Variants in KCTD16 observed in about 807,000 individuals in gnomAD.
The protein encoded by KCTD16 is potassium channel tetramerization domain containing 16.
KCTD16 carries 13 observed loss-of-function variants against 33.2 expected under a neutral mutation model. The observed-to-expected ratio is 0.39, with a 90% CI of 0.25 to 0.62. The LOEUF is 0.62. Ranked by LOEUF, KCTD16 falls within the 20% of genes least tolerant of loss-of-function variation. KCTD16 has a pLI of 0.50. For synonymous variants in KCTD16, 197 were observed against 195.3 expected, an observed-to-expected ratio of 1.01 and a Z score of -0.07; for missense variants, 441 against 525.1, an observed-to-expected ratio of 0.84 and a Z score of 1.57.
chr5:144,442,968 G>A (rs1753746338), intron 3 of KCTD16, among the ~76,000 whole-genome samples: 1 of 152,060 alleles, frequency 6.6e-6, no homozygotes, highest in Non-Finnish European at 1.5e-5. Flanking sequence ...TGAAGCAATT[G>A]TGGCCTCAAT....
intron 3 of KCTD16, among the ~76,000 whole-genome samples, chr5:144,458,649 A>G (rs1754126307): frequency 6.6e-6 from 1 of 152,210 alleles, no homozygotes; most frequent in African/African-American, 2.4e-5. Context: ...GAAATCTATT[A>G]GAGACTCTCA....
At chr5:144,408,631 G>T (rs1752865212) in intron 3 of KCTD16, among the ~76,000 whole-genome samples, 1 of 152,196 alleles carries the variant, frequency 6.6e-6, no homozygotes, top group South Asian at 2.1e-4. Context: ...CTTGAAGGTA[G>T]AGGTATATCA....
At chr5:144,354,526 C>A (rs549778248) in intron 3 of KCTD16, among the ~76,000 whole-genome samples, 1 of 152,152 alleles carries the variant, frequency 6.6e-6, no homozygotes, top group Non-Finnish European at 1.5e-5. Context: ...ATCCTTAGAG[C>A]CTCTAAACTC....
In KCTD16 at chr5:144,403,696, C is replaced by T. The variant is rs557236405; in HGVS notation, c.833-69964C>T. On this transcript the variant is annotated intron_variant, in intron 3 of 3. Transcript: ENST00000512467. ...TTGGAAACTAATATAACATGTAAGACAATATATTCACAGATTCTGGGGATT... is the reference window on the plus strand; with the variant it reads ...TTGGAAACTAATATAACATGTAAGATAATATATTCACAGATTCTGGGGATT... Among the ~76,000 whole-genome samples, 5 of 152,244 alleles carry T rather than the reference C, an allele frequency of 3.3e-5. No homozygotes were observed. The East Asian group carries it at 9.6e-4, about 29-fold the overall frequency.
intron 2 of KCTD16, among the ~76,000 whole-genome samples, chr5:144,189,085 A>G (rs1175650955): frequency 6.6e-6 from 1 of 152,236 alleles, no homozygotes; most frequent in African/African-American, 2.4e-5. Context: ...ACCCTCTAAG[A>G]TATGCCAGGC....
Position 144,397,509 on chromosome 5 carries a change from A to G in KCTD16, c.833-76151A>G, listed in dbSNP as rs946464733. ...CTGAGGAATTGCCACACTGTCTTCCACAGTTGTTGAACTAACTAGTTTACA... is the reference window on the plus strand; with the variant it reads ...CTGAGGAATTGCCACACTGTCTTCCGCAGTTGTTGAACTAACTAGTTTACA... On this transcript the variant is annotated intron_variant, in intron 3 of 3. Transcript: ENST00000512467. Among the ~76,000 whole-genome samples, 9 of 152,330 alleles carry G rather than the reference A, an allele frequency of 5.9e-5. 1 individual carries two copies. The highest frequency in any genetic ancestry group is 1.2e-4 in the Non-Finnish European group (8 of 68,018).
At chr5:144,257,493 T>G (rs1754882508) in intron 3 of KCTD16, among the ~76,000 whole-genome samples, 1 of 152,032 alleles carries the variant, frequency 6.6e-6, no homozygotes, top group Admixed American at 6.6e-5. Context: ...TAGTCATAGT[T>G]TCTTTTTTTT....
chr5:144,350,065 T>C (rs1051022383), intron 3 of KCTD16, among the ~76,000 whole-genome samples: 2 of 152,184 alleles, frequency 1.3e-5, no homozygotes, highest in South Asian at 4.1e-4. Context: ...AAGACAGAAA[T>C]TGGACTCCCC....
At position 144,206,766 on chromosome 5, in the gene KCTD16, G is replaced by A. The variant is rs1417244673; in HGVS notation, c.52G>A (p.Ala18Thr). The A allele has an allele frequency of 5.6e-6, 9 of 1,614,104 alleles. No homozygotes were observed. The highest frequency in any genetic ancestry group is 1.1e-5 in the South Asian group (1 of 91,076). ...SRYYPREQGS[A>T]VPNSFPEVVE... ...TTATTATCCTCGAGAACAAGGGTCC[G>A]CAGTTCCCAACTCCTTCCCTGAGGT... Residue 18 changes from alanine to threonine, a missense_variant, in exon 3 of 4, where the codon GCA (alanine) becomes ACA (threonine). Around this residue, in one of 3 missense-constraint regions of KCTD16, gnomAD observed 80 missense variants for 88.5 expected, o/e 0.90. Transcript: ENST00000512467.
chr5:144,336,364 G>A (rs1752494346), intron 3 of KCTD16, among the ~76,000 whole-genome samples: 1 of 152,188 alleles, frequency 6.6e-6, no homozygotes, highest in African/African-American at 2.4e-5. Flanking sequence ...GCTAATCCAA[G>A]ACTGGAACGG....
At chr5:144,393,877 T>C (rs1752505064) in intron 3 of KCTD16, among the ~76,000 whole-genome samples, 3 of 152,194 alleles carry the variant, frequency 2.0e-5, no homozygotes, top group Non-Finnish European at 4.4e-5. Context: ...GCTCCACATT[T>C]GTTTAAAGCT....
At chr5:144,419,264 G>A (rs976710120) in intron 3 of KCTD16, among the ~76,000 whole-genome samples, 6 of 152,092 alleles carry the variant, frequency 3.9e-5, no homozygotes, top group African/African-American at 1.2e-4. Flanking sequence ...GTCCTGAAAG[G>A]TTTACAGTGG....
rs1422003230 is a variant in KCTD16, at chr5:144,207,274, G to A, written c.560G>A (p.Arg187Gln). The A allele has an allele frequency of 5.6e-6, 9 of 1,614,042 alleles. No homozygotes were observed. The highest frequency in any genetic ancestry group is 6.8e-6 in the Non-Finnish European group (8 of 1,180,042). The change falls in exon 3 of 4, where the codon CGG (arginine) becomes CAG (glutamine). Residue 187 changes from arginine to glutamine, a missense_variant. Physicochemically the swap from Arg to Gln is conservative, Grantham distance 43 (BLOSUM62 1). Transcript: ENST00000512467. ...GREGQADAKF[R>Q]RVPRILVCGR... ...GAGGGACAGGCAGATGCCAAGTTTCGGAGAGTTCCCCGGATTTTGGTTTGT... is the reference window on the plus strand; with the variant it reads ...GAGGGACAGGCAGATGCCAAGTTTCAGAGAGTTCCCCGGATTTTGGTTTGT...
At position 144,404,391 on chromosome 5, in the gene KCTD16, GA is replaced by G. The variant is rs541603122; in HGVS notation, c.833-69267del. On this transcript the variant is annotated intron_variant, in intron 3 of 3. Transcript: ENST00000512467. ...TGTATTCTGTTTTTCCCTATATACT[GA>G]ATGCTTGACTAGCCTTCGTATTCAA... is the stretch of plus-strand genomic sequence containing the variant. Among the ~76,000 whole-genome samples the G allele has an allele frequency of 8.7e-4, 133 of 152,008 alleles. No individual in the cohort carries two copies. In the East Asian group the frequency reaches 0.011, roughly 13 times the overall value.
chr5:144,392,718 A>G lies in KCTD16; in HGVS notation c.833-80942A>G, dbSNP rs1266578893. ...AACCTTTCAAAACTGACTTTGGTCA[A>G]TGAAACTGAGAGAAATAACTTGTAT... On this transcript the variant is annotated intron_variant, in intron 3 of 3. Coordinates refer to ENST00000512467, the MANE Select transcript of KCTD16 (RefSeq NM_020768.4). Among the ~76,000 whole-genome samples the G allele has an allele frequency of 3.3e-5, 5 of 152,318 alleles. No individual in the cohort carries two copies. The East Asian group carries it at 9.6e-4, about 29-fold the overall frequency.
At chr5:144,449,368 C>G (rs571655483) in intron 3 of KCTD16, among the ~76,000 whole-genome samples, 1 of 151,882 alleles carries the variant, frequency 6.6e-6, no homozygotes, top group South Asian at 2.1e-4. Context: ...ATCAAAATCT[C>G]AATGGATTTT....
intron 3 of KCTD16, among the ~76,000 whole-genome samples, chr5:144,254,207 C>T (rs1475008296): frequency 1.3e-5 from 2 of 151,870 alleles, no homozygotes; most frequent in East Asian, 1.9e-4. Context: ...GCGCGATCTC[C>T]GCTCACTGGA....
chr5:144,375,667 A>G (rs879382535), intron 3 of KCTD16, among the ~76,000 whole-genome samples: 1 of 152,116 alleles, frequency 6.6e-6, no homozygotes, highest in Non-Finnish European at 1.5e-5. Context: ...TTCAGCAACT[A>G]TATTTATGTG....
chr5:144,244,130 T>A (rs1754484316), intron 3 of KCTD16, among the ~76,000 whole-genome samples: 1 of 152,100 alleles, frequency 6.6e-6, no homozygotes, highest in Non-Finnish European at 1.5e-5. Context: ...TCCCCACTCT[T>A]TGGGGGATTC....
Sources: allele counts gnomAD v4.1 joint callset (sites outside exome capture counted in the v4.1 genomes callset), GRCh38; gene constraint gnomAD v4.1.1; regional missense constraint gnomAD v4.1.1; transcripts MANE v1.5; gene names NCBI Gene and HGNC (gene_info 2026-07-23, HGNC 2026-07-21).